SMIM36: variants seen among roughly 807,000 people sequenced by gnomAD.
SMIM36 encodes small integral membrane protein 36.
intron 1 of SMIM36, among the ~76,000 whole-genome samples, chr17:55,484,814 G>A (rs1032538194): frequency 6.6e-6 from 1 of 152,352 alleles, no homozygotes; most frequent in African/African-American, 2.4e-5. Flanking sequence ...CTGTAAGCAT[G>A]TGGTACATTC....
chr17:55,455,986 G>A (rs6504964), intron 4 of SMIM36, among the ~76,000 whole-genome samples: 1 of 151,058 alleles, frequency 6.6e-6, no homozygotes, highest in Admixed American at 6.6e-5. Context: ...AGTGTGGTAG[G>A]ACGCACCTGT....
rs576665445 is a variant in SMIM36, at chr17:55,468,607, A to G, written c.*348-1279T>C. On this transcript the variant is annotated intron_variant, in intron 3 of 4. Transcript: ENST00000636752. The stretch of plus-strand genomic sequence containing the variant: ...CACTCACCACATTCCCTTGGTGGCA[A>G]GTCAATTGCTGGGATGCCTGCTTTG... 1.1e-4 allele frequency among the ~76,000 whole-genome samples: 16 copies of G among 152,204 alleles called. No homozygotes were observed. In the East Asian group the frequency reaches 3.1e-3, roughly 29 times the overall value.
chr17:55,483,154 G>GA (rs1216692912), intron 1 of SMIM36, among the ~76,000 whole-genome samples: 1 of 152,180 alleles, frequency 6.6e-6, no homozygotes, highest in Non-Finnish European at 1.5e-5. Flanking sequence ...GAACCAGGGG[G>GA]ATTTTTTGTC....
At chr17:55,519,037 A>C in the SMIM36 span, among the ~76,000 whole-genome samples, 65,318 of 150,548 alleles carry the variant, frequency 0.43, 14,964 homozygotes, top group Non-Finnish European at 0.5. Context: ...TAAGATCATT[A>C]GCAGAATTTG....
intron 1 of SMIM36, among the ~76,000 whole-genome samples, chr17:55,490,184 C>T (rs1054671055): frequency 5.3e-5 from 8 of 152,042 alleles, no homozygotes; most frequent in Admixed American, 4.6e-4. Context: ...GGAGTCATAA[C>T]ACCTTTGAAG....
chr17:55,460,741 C>T (rs887668298), intron 4 of SMIM36, among the ~76,000 whole-genome samples: 6 of 152,010 alleles, frequency 3.9e-5, no homozygotes, highest in African/African-American at 1.5e-4. Flanking sequence ...GCCTGTAGTC[C>T]CAGCTACTCG....
At chr17:55,531,319 A>C in the SMIM36 span, among the ~76,000 whole-genome samples, 1 of 152,186 alleles carries the variant, frequency 6.6e-6, no homozygotes, top group Non-Finnish European at 1.5e-5. Context: ...TGGATTCTTC[A>C]AAACTGGCTC....
intron 4 of SMIM36, among the ~76,000 whole-genome samples, chr17:55,463,421 G>T (rs1909179665): frequency 6.6e-6 from 1 of 152,104 alleles, no homozygotes; most frequent in African/African-American, 2.4e-5. Context: ...GTCAGCCATG[G>T]TGGCACAAGC....
intron 1 of SMIM36, among the ~76,000 whole-genome samples, chr17:55,497,883 A>G (rs1388367269): frequency 6.6e-6 from 1 of 152,194 alleles, no homozygotes; most frequent in Non-Finnish European, 1.5e-5. Context: ...GACATGTTAA[A>G]CAACTCATTG....
At chr17:55,492,676 G>A (rs1909734840) in intron 1 of SMIM36, among the ~76,000 whole-genome samples, 1 of 150,372 alleles carries the variant, frequency 6.7e-6, no homozygotes. Context: ...TAACTATTGC[G>A]AACATCTTAT....
At chr17:55,485,919 C>T (rs1162560979) in intron 1 of SMIM36, among the ~76,000 whole-genome samples, 1 of 152,042 alleles carries the variant, frequency 6.6e-6, no homozygotes, top group Non-Finnish European at 1.5e-5. Context: ...ATCCATTCTA[C>T]TACTTTATGC....
At chr17:55,501,995 C>T (rs988812139) in intron 1 of SMIM36, among the ~76,000 whole-genome samples, 15 of 150,944 alleles carry the variant, frequency 9.9e-5, no homozygotes, top group Non-Finnish European at 2.2e-4. Flanking sequence ...CACTCCCACC[C>T]GAATATTGCG....
chr17:55,522,820 C>G, the SMIM36 span, among the ~76,000 whole-genome samples: 1 of 152,142 alleles, frequency 6.6e-6, no homozygotes, highest in African/African-American at 2.4e-5. Flanking sequence ...ATATGACTCT[C>G]CCCTCTAGAA....
chr17:55,528,438 A>G, the SMIM36 span, among the ~76,000 whole-genome samples: 3 of 152,006 alleles, frequency 2.0e-5, no homozygotes, highest in African/African-American at 7.2e-5. Flanking sequence ...TGCAGCTTCA[A>G]GCTCCTGGTC....
exon 1 of SMIM36, chr17:55,511,189 T>C: frequency 2.5e-6 from 1 of 398,556 alleles, no homozygotes. Flanking sequence ...GAGAGTGGCC[T>C]CGGGCGCGTA....
chr17:55,477,403 G>T (rs12940911), intron 3 of SMIM36, among the ~76,000 whole-genome samples: 53,520 of 151,804 alleles, frequency 0.35, 9,786 homozygotes, highest in Middle Eastern at 0.44. Flanking sequence ...CAGACACATG[G>T]CTGTCTTCTC....
chr17:55,523,958 GCAGGTTTGTTA>G, the SMIM36 span, among the ~76,000 whole-genome samples: 1 of 151,722 alleles, frequency 6.6e-6, no homozygotes, highest in African/African-American at 2.4e-5. Flanking sequence ...GGGTACACGT[GCAGGTTTGTTA>G]CATAGGTGAA....
intron 1 of SMIM36, among the ~76,000 whole-genome samples, chr17:55,496,052 C>T (rs1319003214): frequency 2.0e-5 from 3 of 152,110 alleles, no homozygotes; most frequent in Non-Finnish European, 4.4e-5. Flanking sequence ...ATTTTTCTCC[C>T]TCCCCGAGTG....
the SMIM36 span, among the ~76,000 whole-genome samples, chr17:55,524,904 G>A: frequency 6.6e-6 from 1 of 152,158 alleles, no homozygotes; most frequent in African/African-American, 2.4e-5. Context: ...CTTACTATGT[G>A]CTAAGTTCTC....
Sources: gnomAD v4.1 joint callset for allele counts (sites outside exome capture counted in the v4.1 genomes callset) on GRCh38, gnomAD v4.1.1 for gene constraint, MANE v1.5 for transcripts, NCBI Gene and HGNC (gene_info 2026-07-23, HGNC 2026-07-21) for gene names.